XRCC5: variants seen among roughly 807,000 people sequenced by gnomAD.
The protein encoded by XRCC5 is DNA repair protein Ku80.
A neutral mutation model predicts 95.7 loss-of-function variants in XRCC5; 12 were observed. The observed-to-expected ratio is 0.13, with a 90% CI of 0.08 to 0.20. XRCC5 has a LOEUF of 0.20. XRCC5 is among the 10% of genes least tolerant of loss of function. XRCC5 has a pLI of 1.00. For synonymous variants in XRCC5, 281 were observed against 290.3 expected (o/e 0.97, Z 0.33); for missense variants, 595 against 873.9 (o/e 0.68, Z 4.02).
intron 16 of XRCC5, among the ~76,000 whole-genome samples, chr2:216,169,835 A>G (rs1163716559): frequency 4.6e-5 from 7 of 150,850 alleles, no homozygotes; most frequent in African/African-American, 1.7e-4. Flanking sequence ...CAGGAGGTCA[A>G]GAGATTGAGA....
chr2:216,156,773 G>A, intron 14 of XRCC5: 1 of 526,834 alleles, frequency 1.9e-6, no homozygotes, highest in Admixed American at 1.9e-5. Flanking sequence ...CAAAGTCTAT[G>A]TCCATGAGAG....
intron 19 of XRCC5, chr2:216,204,051 C>G (rs1010402150): frequency 4.5e-6 from 2 of 448,464 alleles, no homozygotes; most frequent in African/African-American, 4.0e-5. Context: ...ACACTACACA[C>G]TGTCTCGACA....
At chr2:216,111,798 C>CTT (rs940922988) in intron 1 of XRCC5, among the ~76,000 whole-genome samples, 7 of 152,194 alleles carry the variant, frequency 4.6e-5, no homozygotes, top group Admixed American at 3.3e-4. Flanking sequence ...TAAACCTCAT[C>CTT]TAGTCCAACA....
chr2:216,147,283 C>G (rs975550318), intron 13 of XRCC5, among the ~76,000 whole-genome samples: 5 of 152,048 alleles, frequency 3.3e-5, no homozygotes, highest in African/African-American at 1.2e-4. Context: ...GGTGTATGAG[C>G]GAAGCAGGAG....
Position 216,187,821 on chromosome 2 carries a change from A to ACTCTCT in XRCC5, c.1835-2368_1835-2363dup, listed in dbSNP as rs371097633. The stretch of plus-strand genomic sequence containing the variant: ...CACACACACACACACACACACACAC[A>ACTCTCT]CTCTCTCTCTCTCTCTCTCTCTCTC... On this transcript the variant is annotated intron_variant, in intron 16 of 20. Coordinates refer to ENST00000392132, the MANE Select transcript of XRCC5 (RefSeq NM_021141.4). 4.3e-3 allele frequency among the ~76,000 whole-genome samples: 208 copies of ACTCTCT among 47,940 alleles called. 1 individual carries two copies. The highest frequency in any genetic ancestry group is 6.1e-3 in the South Asian group (7 of 1,154). The allele number at this position is 47,940 out of a possible 152,430, so 31.5% of individuals were successfully genotyped here.
intron 19 of XRCC5, among the ~76,000 whole-genome samples, chr2:216,202,765 A>T (rs982555791): frequency 6.6e-6 from 1 of 152,214 alleles, no homozygotes; most frequent in Non-Finnish European, 1.5e-5. Flanking sequence ...AGGGAAAAAA[A>T]GTCCAAGAGA....
At chr2:216,179,918 A>G (rs1333250937) in intron 16 of XRCC5, among the ~76,000 whole-genome samples, 1 of 152,174 alleles carries the variant, frequency 6.6e-6, no homozygotes, top group Non-Finnish European at 1.5e-5. Flanking sequence ...AATCCACGTG[A>G]CCGGAGGTAG....
chr2:216,165,591 G>A (rs925326727), intron 16 of XRCC5, among the ~76,000 whole-genome samples: 2 of 152,252 alleles, frequency 1.3e-5, no homozygotes, highest in East Asian at 3.9e-4. Context: ...CCCTTTATAA[G>A]CCAAGACTCA....
intron 8 of XRCC5, among the ~76,000 whole-genome samples, chr2:216,128,435 T>G (rs1182951832): frequency 1.3e-5 from 2 of 152,170 alleles, no homozygotes; most frequent in Non-Finnish European, 2.9e-5. Context: ...AGGAGGGGGT[T>G]GTTTAAAGGT....
At chr2:216,110,176 C>G (rs1255179222) in intron 1 of XRCC5, among the ~76,000 whole-genome samples, 1 of 152,148 alleles carries the variant, frequency 6.6e-6, no homozygotes, top group African/African-American at 2.4e-5. Context: ...TGGAGAACCC[C>G]TGTGTTGCTA....
At chr2:216,136,018 C>A (rs1697068649) in intron 10 of XRCC5, among the ~76,000 whole-genome samples, 1 of 152,064 alleles carries the variant, frequency 6.6e-6, no homozygotes, top group Non-Finnish European at 1.5e-5. Flanking sequence ...CAGATATCCA[C>A]CAGCTAGCAG....
At chr2:216,125,108 A>G (rs1696881307) in intron 6 of XRCC5, among the ~76,000 whole-genome samples, 1 of 152,194 alleles carries the variant, frequency 6.6e-6, no homozygotes. Context: ...ATTGGAATTA[A>G]TGAATTATAG....
intron 16 of XRCC5, among the ~76,000 whole-genome samples, chr2:216,163,653 T>C (rs1310475132): frequency 2.0e-5 from 3 of 152,156 alleles, no homozygotes; most frequent in Non-Finnish European, 4.4e-5. Context: ...GTAGGTCTAA[T>C]GCATCTTACT....
chr2:216,134,757 T>C (rs984557403), intron 10 of XRCC5, among the ~76,000 whole-genome samples: 1 of 151,156 alleles, frequency 6.6e-6, no homozygotes, highest in Admixed American at 6.6e-5. Context: ...TTAAACATCC[T>C]AATTGGTCCT....
At chr2:216,117,314 A>G (rs1304789751) in intron 3 of XRCC5, 1 of 181,252 alleles carries the variant, frequency 5.5e-6, no homozygotes, top group African/African-American at 2.4e-5. Flanking sequence ...CCCTAATTTT[A>G]AGGGATCATC....
chr2:216,123,205 A>ATACAAAT (rs1696844848), intron 6 of XRCC5, among the ~76,000 whole-genome samples: 11 of 152,362 alleles, frequency 7.2e-5, no homozygotes, highest in Admixed American at 7.2e-4. Flanking sequence ...TTTTTTAAGT[A>ATACAAAT]GCTACAGTGT....
intron 13 of XRCC5, among the ~76,000 whole-genome samples, chr2:216,144,288 G>A (rs149503368): frequency 3.3e-4 from 51 of 152,300 alleles, no homozygotes; most frequent in Middle Eastern, 6.8e-3. Context: ...GGATCCCTTT[G>A]GCTGCAGAAT....
chr2:216,205,108 C>T, intron 20 of XRCC5, 80 bp from the exon 21 acceptor site: 1 of 1,563,970 alleles, frequency 6.4e-7, no homozygotes, highest in South Asian at 1.1e-5. Flanking sequence ...GAGTCATTTT[C>T]ATTAAACCCT....
intron 15 of XRCC5, among the ~76,000 whole-genome samples, chr2:216,160,462 T>C (rs1688931324): frequency 6.6e-6 from 1 of 152,146 alleles, no homozygotes; most frequent in Non-Finnish European, 1.5e-5. Flanking sequence ...TTTCAACTAG[T>C]CAAAATGATA....
Sources: allele counts gnomAD v4.1 joint callset (sites outside exome capture counted in the v4.1 genomes callset), GRCh38; gene constraint gnomAD v4.1.1; transcripts MANE v1.5; gene names NCBI Gene and HGNC (gene_info 2026-07-23, HGNC 2026-07-21).